Variants in RABEPK observed in about 807,000 individuals in gnomAD.
RABEPK encodes the protein 40 kDa Rab9 effector protein.
Under a neutral mutation model 34.1 loss-of-function variants are expected in RABEPK, and 27 were observed. That is an observed-to-expected ratio of 0.79 (90% CI 0.58 to 1.09). The LOEUF is 1.09. Ranked by LOEUF, RABEPK falls within the 50% of genes least tolerant of loss-of-function variation. The pLI is 0.00. For missense variants in RABEPK, 449 were observed against 462.6 expected, an observed-to-expected ratio of 0.97 and a Z score of 0.27; for synonymous variants, 172 against 169.2, an observed-to-expected ratio of 1.02 and a Z score of -0.13.
At chr9:125,217,124 A>G (rs1412038545) in intron 4 of RABEPK, among the ~76,000 whole-genome samples, 1 of 152,118 alleles carries the variant, frequency 6.6e-6, no homozygotes, top group Non-Finnish European at 1.5e-5. Flanking sequence ...ATGACCTTGG[A>G]CTAGTGATTT....
chr9:125,215,284 G>GT (rs201510294), intron 4 of RABEPK, among the ~76,000 whole-genome samples: 40 of 56,190 alleles, frequency 7.1e-4, no homozygotes, highest in African/African-American at 4.1e-3. Flanking sequence ...TCATTTGTTT[G>GT]TTTTTTTTGG....
intron 5 of RABEPK, 40 bp downstream of exon 5, chr9:125,220,740 C>G (rs756066686): frequency 6.3e-7 from 1 of 1,591,194 alleles, no homozygotes; most frequent in Non-Finnish European, 8.6e-7. Flanking sequence ...TCAGGGCCAT[C>G]CCAGTTTACA....
intron 6 of RABEPK, among the ~76,000 whole-genome samples, chr9:125,229,248 C>T (rs539951965): frequency 2.7e-5 from 4 of 150,224 alleles, no homozygotes; most frequent in African/African-American, 4.9e-5. Context: ...AGCAAGACTC[C>T]GTCTCCAAAA....
In RABEPK at chr9:125,232,762, G is replaced by T. The variant is rs756415556; in HGVS notation, c.826+17G>T. On this transcript the variant is annotated intron_variant, in intron 7 of 7. Transcript: ENST00000373538. ...ATCACACAGGTGAGCAGGTGTCCAT[G>T]GGGGATCTTTAAACAAATCTAAACA... 2.4e-5 allele frequency: 39 copies of T among 1,603,794 alleles called. No homozygotes were observed. The highest frequency in any genetic ancestry group is 2.9e-5 in the Non-Finnish European group (34 of 1,173,594).
In RABEPK at chr9:125,232,741, C is replaced by A. The variant is rs1215616085; in HGVS notation, c.822C>A (p.His274Gln). ...AGALDTMYQY[H>Q]TEEQHWTLLK... is the part of the protein sequence containing the mutation. ...CACTGGACACAATGTACCAGTATCA[C>A]ACAGGTGAGCAGGTGTCCATGGGGG... Residue 274 changes from histidine (H) to glutamine (Q), a missense_variant, in exon 7 of 8, where the codon CAC becomes CAA. By Grantham distance (24) the His-to-Gln change is conservative. Coordinates refer to ENST00000373538, the MANE Select transcript of RABEPK (RefSeq NM_005833.4). 1 of 1,612,778 alleles carries A rather than the reference C, an allele frequency of 6.2e-7. No homozygotes were observed. Among genetic ancestry groups the A allele is most frequent in the Non-Finnish European group, 8.5e-7 (1 of 1,179,360 alleles).
intron 5 of RABEPK, among the ~76,000 whole-genome samples, chr9:125,224,251 T>A (rs1253069957): frequency 6.6e-6 from 1 of 151,986 alleles, no homozygotes; most frequent in East Asian, 1.9e-4. Flanking sequence ...AGTACTCCTT[T>A]AAGACTTTTC....
chr9:125,227,843 TG>T (rs2131426996), intron 5 of RABEPK, 66 bp from the exon 6 acceptor site: 2 of 1,448,160 alleles, frequency 1.4e-6, no homozygotes, highest in East Asian at 5.0e-5. Context: ...TACAGAGGCT[TG>T]GGCCTGTTTC....
At chr9:125,217,475 A>T (rs1306981593) in intron 4 of RABEPK, among the ~76,000 whole-genome samples, 1 of 152,038 alleles carries the variant, frequency 6.6e-6, no homozygotes, top group Non-Finnish European at 1.5e-5. Context: ...ATCTCAGCTC[A>T]CTGCATCCTC....
intron 1 of RABEPK, 103 bp from the exon 2 acceptor site, chr9:125,202,905 C>T: frequency 1.4e-6 from 1 of 730,120 alleles, no homozygotes; most frequent in Non-Finnish European, 2.3e-6. Context: ...TCAATCAGGC[C>T]TAGAAATTAG....
chr9:125,224,356 A>T (rs931510013), intron 5 of RABEPK, among the ~76,000 whole-genome samples: 3 of 151,826 alleles, frequency 2.0e-5, no homozygotes, highest in African/African-American at 7.3e-5. Flanking sequence ...TAATCATCAT[A>T]TTCATAACTC....
intron 2 of RABEPK, among the ~76,000 whole-genome samples, chr9:125,204,027 G>A (rs1031843246): frequency 1.8e-3 from 152 of 84,108 alleles, no homozygotes; most frequent in African/African-American, 7.3e-3. Flanking sequence ...GCAAGAATCC[G>A]TTTCAAAAAA....
intron 4 of RABEPK, among the ~76,000 whole-genome samples, chr9:125,219,521 G>A (rs1831178509): frequency 6.6e-6 from 1 of 151,944 alleles, no homozygotes; most frequent in African/African-American, 2.4e-5. Flanking sequence ...AGCCTCCTGA[G>A]TAGCTGGGAT....
chr9:125,231,594 A>G (rs554103105), intron 6 of RABEPK, among the ~76,000 whole-genome samples: 6 of 152,144 alleles, frequency 3.9e-5, no homozygotes, highest in Non-Finnish European at 7.4e-5. Flanking sequence ...CGAGGTCAGG[A>G]GTTCAAGACC....
chr9:125,213,449 A>T lies in RABEPK; in HGVS notation c.291A>T (p.Thr97=). The change falls in exon 4 of 8, where the codon ACA becomes ACT. Residue 97 remains threonine (T), a synonymous_variant. Coordinates refer to ENST00000373538, the MANE Select transcript of RABEPK (RefSeq NM_005833.4). ...ATGCTAGCTTCATTCCCTCCTGCAC[A>T]CCTGACCGTATCTGGGTATTTGGAG... ...YEHASFIPSC[T]PDRIWVFGGA... is the part of the protein sequence containing the mutation. 6.2e-7 allele frequency: 1 copy of T among 1,614,064 alleles called. No homozygotes were observed. The highest frequency in any genetic ancestry group is 8.5e-7 in the Non-Finnish European group (1 of 1,179,986).
At position 125,203,773 on chromosome 9, in the gene RABEPK, CTGTAA is replaced by C. The variant is rs561875827; in HGVS notation, c.53+709_53+713del. Among the ~76,000 whole-genome samples the C allele has an allele frequency of 7.1e-4, 108 of 152,274 alleles. 1 individual carries two copies. The East Asian group carries it at 0.015, about 22-fold the overall frequency. On this transcript the variant is annotated intron_variant, in intron 2 of 7. Coordinates refer to ENST00000373538, the MANE Select transcript of RABEPK (RefSeq NM_005833.4). ...CTGGGCTGGGCACGGTGGCTCATGC[CTGTAA>C]TCCCAGCACTTTGGGAGGCCAAGGC...
At chr9:125,204,689 C>T (rs1830108110) in intron 2 of RABEPK, among the ~76,000 whole-genome samples, 1 of 152,190 alleles carries the variant, frequency 6.6e-6, no homozygotes, top group Admixed American at 6.5e-5. Context: ...TTCCTTTGTT[C>T]TCTTTCTCTT....
intron 7 of RABEPK, 33 bp downstream of exon 7, chr9:125,232,778 A>C (rs1413807741): frequency 6.3e-7 from 1 of 1,589,246 alleles, no homozygotes; most frequent in South Asian, 1.1e-5. Context: ...TCTTTAAACA[A>C]ATCTAAACAT....
chr9:125,206,942 A>T (rs1830260365), intron 2 of RABEPK, among the ~76,000 whole-genome samples: 1 of 152,110 alleles, frequency 6.6e-6, no homozygotes, highest in African/African-American at 2.4e-5. Context: ...ATATAAAATT[A>T]GCCAGGTGTG....
intron 2 of RABEPK, among the ~76,000 whole-genome samples, chr9:125,203,669 G>A (rs1225995829): frequency 3.9e-5 from 6 of 152,180 alleles, no homozygotes; most frequent in Admixed American, 3.9e-4. Context: ...TCTGTACCCA[G>A]AATACAGCCA....
Sources: allele counts gnomAD v4.1 joint callset (sites outside exome capture counted in the v4.1 genomes callset), GRCh38; gene constraint gnomAD v4.1.1; transcripts MANE v1.5; gene names NCBI Gene and HGNC (gene_info 2026-07-23, HGNC 2026-07-21).